TCF7L1: variants seen among roughly 807,000 people sequenced by gnomAD.
The protein encoded by TCF7L1 is transcription factor 7-like 1.
TCF7L1 carries 18 observed loss-of-function variants against 63.7 expected under a neutral mutation model. That is an observed-to-expected ratio of 0.28 (90% CI 0.20 to 0.42). The LOEUF is 0.42. Among genes scored for constraint, TCF7L1 ranks in the 10% least tolerant of loss-of-function variants. The pLI, the probability that TCF7L1 is intolerant of heterozygous loss-of-function variation, is 1.00. For synonymous variants in TCF7L1, 355 were observed against 340.9 expected, an observed-to-expected ratio of 1.04 and a Z score of -0.46; for missense variants, 654 against 779.3, an observed-to-expected ratio of 0.84 and a Z score of 1.91.
chr2:85,204,890 T>TG (rs1200283745), intron 3 of TCF7L1: 1 of 151,648 alleles, frequency 6.6e-6, no homozygotes, highest in Non-Finnish European at 1.5e-5. Flanking sequence ...GTTTTGTTTG[T>TG]TTTTTTTCTT....
At chr2:85,238,354 G>C (rs1396523203) in intron 3 of TCF7L1, among the ~76,000 whole-genome samples, 1 of 152,168 alleles carries the variant, frequency 6.6e-6, no homozygotes, top group Non-Finnish European at 1.5e-5. Context: ...CCAGGTACTG[G>C]GGGAAGGGCA....
chr2:85,202,885 G>GT (rs1225847849), intron 3 of TCF7L1, among the ~76,000 whole-genome samples: 1 of 152,120 alleles, frequency 6.6e-6, no homozygotes, highest in Non-Finnish European at 1.5e-5. Context: ...CCAGGCTGGA[G>GT]TGCAGTGGTG....
intron 4 of TCF7L1, among the ~76,000 whole-genome samples, chr2:85,291,779 A>G (rs1681723109): frequency 6.6e-6 from 1 of 152,104 alleles, no homozygotes; most frequent in Non-Finnish European, 1.5e-5. Context: ...CAGTGGCATG[A>G]TCATAGCTCA....
At chr2:85,240,367 G>T (rs976108390) in intron 3 of TCF7L1, among the ~76,000 whole-genome samples, 1 of 152,232 alleles carries the variant, frequency 6.6e-6, no homozygotes, top group Non-Finnish European at 1.5e-5. Flanking sequence ...CATCGCAGAG[G>T]GTGTGGATGG....
chr2:85,175,830 A>G lies in TCF7L1; in HGVS notation c.441+41380A>G, dbSNP rs537050759. Among the ~76,000 whole-genome samples, 8 of 152,342 alleles carry G rather than the reference A, an allele frequency of 5.3e-5. No homozygotes were observed. In the East Asian group the frequency reaches 1.4e-3, roughly 26 times the overall value. On this transcript the variant is annotated intron_variant, in intron 3 of 11. Coordinates refer to ENST00000282111, the MANE Select transcript of TCF7L1 (RefSeq NM_031283.3). ...CGTGACCAATACTTTGGACTCTCTCAATGCTGGCCCTCTGCGGTTCATGGC... is the reference window on the plus strand; with the variant it reads ...CGTGACCAATACTTTGGACTCTCTCGATGCTGGCCCTCTGCGGTTCATGGC...
chr2:85,302,341 C>T, intron 4 of TCF7L1, 143 bp from the exon 5 acceptor site: 1 of 1,120,314 alleles, frequency 8.9e-7, no homozygotes. Flanking sequence ...GTGTCCACTG[C>T]TGTCATCTCT....
intron 3 of TCF7L1, among the ~76,000 whole-genome samples, chr2:85,259,879 C>T (rs1680816872): frequency 6.6e-6 from 1 of 152,102 alleles, no homozygotes; most frequent in African/African-American, 2.4e-5. Context: ...ACTGGCTGGA[C>T]CCTGCAGAAG....
chr2:85,167,891 C>T (rs1363653597), intron 3 of TCF7L1, among the ~76,000 whole-genome samples: 3 of 152,072 alleles, frequency 2.0e-5, no homozygotes, highest in Non-Finnish European at 4.4e-5. Context: ...GAAGGAAATC[C>T]TGCCGTTTGT....
intron 3 of TCF7L1, among the ~76,000 whole-genome samples, chr2:85,208,270 G>A (rs778588051): frequency 3.9e-5 from 6 of 152,132 alleles, no homozygotes; most frequent in Non-Finnish European, 7.4e-5. Context: ...ATATAACCCC[G>A]TTGTAAGTGG....
chr2:85,181,400 G>A (rs1239096991), intron 3 of TCF7L1, among the ~76,000 whole-genome samples: 1 of 152,250 alleles, frequency 6.6e-6, no homozygotes, highest in Non-Finnish European at 1.5e-5. Context: ...GAGGCTCCCA[G>A]AGGTACGGGT....
intron 3 of TCF7L1, among the ~76,000 whole-genome samples, chr2:85,160,248 A>ATT (rs1003284881): frequency 6.6e-6 from 1 of 151,970 alleles, no homozygotes; most frequent in African/African-American, 2.4e-5. Context: ...TCCAACAGAG[A>ATT]TTTGTTGGCC....
At chr2:85,135,029 C>G (rs2104175230) in intron 3 of TCF7L1, among the ~76,000 whole-genome samples, 1 of 152,328 alleles carries the variant, frequency 6.6e-6, no homozygotes. Context: ...AGGCATTCTT[C>G]AAGTTGAGGA....
intron 4 of TCF7L1, among the ~76,000 whole-genome samples, chr2:85,296,317 T>A (rs757663955): frequency 2.6e-5 from 4 of 152,192 alleles, no homozygotes; most frequent in Non-Finnish European, 4.4e-5. Flanking sequence ...AGCTGTTTTG[T>A]AGAATGTCCC....
chr2:85,152,437 CTTT>C (rs36116388), intron 3 of TCF7L1, among the ~76,000 whole-genome samples: 1 of 131,906 alleles, frequency 7.6e-6, no homozygotes. Flanking sequence ...CTCTCTCTCT[CTTT>C]TTTTTTTTTT....
chr2:85,145,700 C>A (rs1329646748), intron 3 of TCF7L1, among the ~76,000 whole-genome samples: 1 of 152,204 alleles, frequency 6.6e-6, no homozygotes, highest in Non-Finnish European at 1.5e-5. Context: ...CAGTTGTTGA[C>A]CTGCCCAAGG....
chr2:85,221,580 C>G (rs1486663919), intron 3 of TCF7L1, among the ~76,000 whole-genome samples: 1 of 152,110 alleles, frequency 6.6e-6, no homozygotes, highest in Non-Finnish European at 1.5e-5. Flanking sequence ...CCTGTGTGTG[C>G]ACAAGACGGC....
intron 3 of TCF7L1, among the ~76,000 whole-genome samples, chr2:85,215,479 G>A (rs1406752883): frequency 6.6e-6 from 1 of 152,194 alleles, no homozygotes; most frequent in African/African-American, 2.4e-5. Flanking sequence ...GAGGCCCCCC[G>A]CCTTGCTTGG....
chr2:85,220,097 C>A (rs1679808624), intron 3 of TCF7L1, among the ~76,000 whole-genome samples: 1 of 151,892 alleles, frequency 6.6e-6, no homozygotes, highest in Non-Finnish European at 1.5e-5. Flanking sequence ...CTCATTGAAC[C>A]TATAAATTGT....
At chr2:85,190,186 C>A (rs1679013410) in intron 3 of TCF7L1, among the ~76,000 whole-genome samples, 1 of 152,156 alleles carries the variant, frequency 6.6e-6, no homozygotes, top group South Asian at 2.1e-4. Context: ...TTCATATAGC[C>A]CCAGGCACAC....
Sources: allele counts gnomAD v4.1 joint callset (sites outside exome capture counted in the v4.1 genomes callset), GRCh38; gene constraint gnomAD v4.1.1; transcripts MANE v1.5; gene names NCBI Gene and HGNC (gene_info 2026-07-23, HGNC 2026-07-21).